The following DLGAP2 variants were observed in gnomAD, a reference collection of about 807,000 sequenced individuals.
The protein encoded by DLGAP2 is DLG associated protein 2, also known as disks large-associated protein 2.
A neutral mutation model predicts 100.3 loss-of-function variants in DLGAP2; 26 were observed. That is an observed-to-expected ratio of 0.26 (90% CI 0.19 to 0.36). The LOEUF (loss-of-function observed/expected upper bound fraction) is 0.36. Among genes scored for constraint, DLGAP2 ranks in the 10% least tolerant of loss-of-function variants. DLGAP2 has a pLI of 1.00. For synonymous variants in DLGAP2, 886 were observed against 630.1 expected (o/e 1.41, Z -6.08); for missense variants, 1,858 against 1,453.2 (o/e 1.28, Z -4.53).
chr8:1,322,856 T>TACAA (rs1205608189), intron 3 of DLGAP2, among the ~76,000 whole-genome samples: 2 of 152,226 alleles, frequency 1.3e-5, no homozygotes, highest in Non-Finnish European at 2.9e-5. Context: ...TTCTATGATG[T>TACAA]ATCATTTGTC....
intron 3 of DLGAP2, among the ~76,000 whole-genome samples, chr8:1,317,795 A>T (rs5000324): frequency 0.81 from 45,848 of 56,420 alleles, 17,847 homozygotes; most frequent in African/African-American, 0.92. Context: ...CGTCAGTGTT[A>T]AAAAATAGAG....
chr8:1,421,089 C>G (rs1309808485), intron 3 of DLGAP2, among the ~76,000 whole-genome samples: 1 of 152,210 alleles, frequency 6.6e-6, no homozygotes, highest in Non-Finnish European at 1.5e-5. Flanking sequence ...TCCAACAAGT[C>G]ACTAGTAGAA....
chr8:1,254,139 G>A (rs554092322), intron 2 of DLGAP2, among the ~76,000 whole-genome samples: 2 of 152,320 alleles, frequency 1.3e-5, no homozygotes, highest in East Asian at 3.9e-4. Context: ...TGTGGGCTCA[G>A]CGCTGAGGGC....
chr8:1,513,808 G>T (rs775836781), intron 4 of DLGAP2, among the ~76,000 whole-genome samples: 1 of 152,150 alleles, frequency 6.6e-6, no homozygotes, highest in African/African-American at 2.4e-5. Context: ...CCATGGTCAC[G>T]TTCGTACAGT....
chr8:1,361,859 C>T (rs117162748), intron 3 of DLGAP2, among the ~76,000 whole-genome samples: 1 of 152,166 alleles, frequency 6.6e-6, no homozygotes, highest in East Asian at 1.9e-4. Flanking sequence ...GGCCTGAGCC[C>T]GGCTCCCACG....
intron 2 of DLGAP2, among the ~76,000 whole-genome samples, chr8:1,221,728 A>G (rs1374249143): frequency 6.6e-6 from 1 of 152,180 alleles, no homozygotes; most frequent in Non-Finnish European, 1.5e-5. Context: ...TCTTTCAGCA[A>G]TGTTAGCGAG....
intron 3 of DLGAP2, among the ~76,000 whole-genome samples, chr8:1,409,638 T>C (rs116167767): frequency 0.01 from 1,565 of 152,304 alleles, 31 homozygotes; most frequent in African/African-American, 0.036. Context: ...GATGTGTCTG[T>C]GGTGGTGTTT....
At chr8:1,151,386 C>G (rs980821929) in intron 2 of DLGAP2, among the ~76,000 whole-genome samples, 1 of 152,186 alleles carries the variant, frequency 6.6e-6, no homozygotes, top group Non-Finnish European at 1.5e-5. Context: ...GGCACTTTAA[C>G]AAAGGGTAAC....
chr8:1,490,236 A>T (rs1283624914), intron 3 of DLGAP2, among the ~76,000 whole-genome samples: 4 of 152,180 alleles, frequency 2.6e-5, no homozygotes, highest in Admixed American at 6.5e-5. Context: ...CTTACCCTGA[A>T]GTCATTTGCA....
At position 1,701,628 on chromosome 8, in the gene DLGAP2, G is replaced by T; in HGVS notation, c.*222G>T. The T allele has an allele frequency of 1.7e-6, 1 of 591,058 alleles. No individual in the cohort carries two copies. Among genetic ancestry groups the T allele is most frequent in the Non-Finnish European group, 2.9e-6 (1 of 342,494 alleles). 36.6% of individuals were successfully genotyped at this position (591,058 alleles called of 1,614,324 possible). On this transcript the variant is annotated 3_prime_UTR_variant, in exon 15 of 15. Coordinates refer to ENST00000637795, the MANE Select transcript of DLGAP2 (RefSeq NM_001346810.2). ...TTTGTTGTTGTTGTTGTTGTTCACGGGTGGCCTGGCTCACACTTGGCTCTG... is the reference window on the plus strand; with the variant it reads ...TTTGTTGTTGTTGTTGTTGTTCACGTGTGGCCTGGCTCACACTTGGCTCTG...
Position 1,141,435 on chromosome 8 carries a change from A to G in DLGAP2, c.74-117416A>G, listed in dbSNP as rs184449814. 2.0e-3 allele frequency among the ~76,000 whole-genome samples: 306 copies of G among 152,220 alleles called. 1 individual carries two copies. The highest frequency in any genetic ancestry group is 2.5e-3 in the Non-Finnish European group (169 of 68,006). On this transcript the variant is annotated intron_variant, in intron 2 of 14. Coordinates refer to ENST00000637795, the MANE Select transcript of DLGAP2 (RefSeq NM_001346810.2). ...AAAACTCACGGGCACGTGAATCAGA[A>G]CTCTTGAATTCCACACAGCTGATGG... is the stretch of plus-strand genomic sequence containing the variant.
At chr8:1,208,865 AAAATAAATAAATAAAT>A (rs61478484) in intron 2 of DLGAP2, among the ~76,000 whole-genome samples, 32 of 144,578 alleles carry the variant, frequency 2.2e-4, no homozygotes, top group East Asian at 1.0e-3. Context: ...AATAGCTGCA[AAAATAAATAAATAAAT>A]AAATAAATAA....
intron 2 of DLGAP2, among the ~76,000 whole-genome samples, chr8:1,131,970 G>A (rs1054945268): frequency 1.1e-4 from 17 of 152,250 alleles, no homozygotes; most frequent in African/African-American, 4.1e-4. Context: ...GAGGATCGAT[G>A]GTGTCTTAAG....
At chr8:1,166,545 G>A (rs1437009954) in intron 2 of DLGAP2, among the ~76,000 whole-genome samples, 3 of 152,086 alleles carry the variant, frequency 2.0e-5, no homozygotes, top group Non-Finnish European at 4.4e-5. Flanking sequence ...TTTTATAGAA[G>A]GGCAGAACAT....
At chr8:1,145,277 C>T (rs1456290738) in intron 2 of DLGAP2, among the ~76,000 whole-genome samples, 1 of 152,122 alleles carries the variant, frequency 6.6e-6, no homozygotes, top group East Asian at 1.9e-4. Context: ...TCCCACCCAC[C>T]CACCATCCCT....
chr8:1,512,317 C>G (rs1800194479), intron 4 of DLGAP2, among the ~76,000 whole-genome samples: 1 of 152,218 alleles, frequency 6.6e-6, no homozygotes, highest in African/African-American at 2.4e-5. Flanking sequence ...ACCTTGACAA[C>G]ATGATCAAAG....
At chr8:1,216,224 C>G (rs1461587689) in intron 2 of DLGAP2, among the ~76,000 whole-genome samples, 2 of 152,180 alleles carry the variant, frequency 1.3e-5, no homozygotes, top group African/African-American at 2.4e-5. Context: ...CTTCAGGTCT[C>G]ACGTGAACTG....
intron 6 of DLGAP2, among the ~76,000 whole-genome samples, chr8:1,613,866 A>G (rs1797063489): frequency 6.6e-6 from 1 of 152,190 alleles, no homozygotes. Flanking sequence ...AAGATTAGCA[A>G]ATTGAATTTT....
intron 3 of DLGAP2, among the ~76,000 whole-genome samples, chr8:1,436,201 C>A (rs1194775674): frequency 1.3e-5 from 2 of 152,190 alleles, no homozygotes; most frequent in East Asian, 3.9e-4. Flanking sequence ...AGGCCCAAAA[C>A]CTCAAAAGCA....
Sources: gnomAD v4.1 joint callset for allele counts (sites outside exome capture counted in the v4.1 genomes callset) on GRCh38, gnomAD v4.1.1 for gene constraint, MANE v1.5 for transcripts, NCBI Gene and HGNC (gene_info 2026-07-23, HGNC 2026-07-21) for gene names.